The following PAK5 variants were observed in gnomAD, a reference collection of about 807,000 sequenced individuals.
The protein encoded by PAK5 is serine/threonine-protein kinase PAK 5.
A neutral mutation model predicts 65.9 loss-of-function variants in PAK5; 16 were observed. The observed-to-expected ratio is 0.24, with a 90% CI of 0.16 to 0.37. PAK5 has a LOEUF of 0.37. Ranked by LOEUF, PAK5 falls within the 10% of genes least tolerant of loss-of-function variation. The pLI is 1.00. For synonymous variants in PAK5, 371 were observed against 354.9 expected, an observed-to-expected ratio of 1.05 and a Z score of -0.51; for missense variants, 785 against 903.9, an observed-to-expected ratio of 0.87 and a Z score of 1.69.
At chr20:9,783,928 C>A (rs537403877) in intron 1 of PAK5, among the ~76,000 whole-genome samples, 20 of 152,172 alleles carry the variant, frequency 1.3e-4, no homozygotes, top group African/African-American at 4.6e-4. Context: ...TGTATTCATG[C>A]CATTCAATAC....
chr20:9,826,538 T>C (rs918569054), intron 1 of PAK5, among the ~76,000 whole-genome samples: 8 of 152,172 alleles, frequency 5.3e-5, no homozygotes, highest in African/African-American at 1.7e-4. Context: ...AGTATCCATA[T>C]ATTGCTTTAA....
intron 1 of PAK5, among the ~76,000 whole-genome samples, chr20:9,810,241 G>A (rs781531088): frequency 8.5e-5 from 13 of 152,166 alleles, no homozygotes; most frequent in Non-Finnish European, 1.6e-4. Context: ...ACCCCAGCAT[G>A]CGCTTTTAGG....
intron 1 of PAK5, among the ~76,000 whole-genome samples, chr20:9,752,720 G>A (rs916247732): frequency 1.6e-4 from 24 of 152,194 alleles, no homozygotes; most frequent in African/African-American, 4.3e-4. Context: ...GGGAATCAGC[G>A]TGAGGCAGAC....
At position 9,542,709 on chromosome 20, in the gene PAK5, C is replaced by A; in HGVS notation, c.1881G>T (p.Trp627Cys). 6.2e-7 allele frequency: 1 copy of A among 1,613,982 alleles called. No homozygotes were observed. Among genetic ancestry groups the A allele is most frequent in the Non-Finnish European group, 8.5e-7 (1 of 1,179,900 alleles). Residue 627 changes from tryptophan (W) to cysteine (C), a missense_variant, in exon 9 of 10, where the codon TGG becomes TGT. This residue lies in a region of PAK5 where 182 missense variants were observed against 273.0 expected (regional missense o/e 0.67). Coordinates refer to ENST00000353224, the MANE Select transcript of PAK5 (RefSeq NM_177990.4). ...RLPYGTEVDI[W>C]SLGIMVIEMI... is the part of the protein sequence containing the mutation. ...TTTCTATCACCATGATCCCGAGGGACCAGATGTCCACCTGTTAGGCACACC... is the reference window on the plus strand; with the variant it reads ...TTTCTATCACCATGATCCCGAGGGAACAGATGTCCACCTGTTAGGCACACC...
intron 1 of PAK5, among the ~76,000 whole-genome samples, chr20:9,719,528 T>C (rs1335723514): frequency 1.4e-5 from 2 of 146,714 alleles, no homozygotes; most frequent in Non-Finnish European, 1.5e-5. Context: ...ACATTACTGC[T>C]TTTTTTTCCC....
At chr20:9,762,795 T>C (rs2048714590) in intron 1 of PAK5, among the ~76,000 whole-genome samples, 2 of 152,120 alleles carry the variant, frequency 1.3e-5, no homozygotes, top group South Asian at 2.1e-4. Context: ...AATCAGGATG[T>C]TGAAGAGACA....
intron 1 of PAK5, among the ~76,000 whole-genome samples, chr20:9,745,094 T>C (rs2048491233): frequency 6.6e-6 from 1 of 152,108 alleles, no homozygotes; most frequent in African/African-American, 2.4e-5. Context: ...CAGTCAAAAG[T>C]AAACAGAACA....
chr20:9,715,183 T>A (rs1418420755), intron 1 of PAK5, among the ~76,000 whole-genome samples: 2 of 151,822 alleles, frequency 1.3e-5, no homozygotes, highest in Admixed American at 6.6e-5. Flanking sequence ...TACAAAGAAC[T>A]CAAACAAATT....
chr20:9,609,079 G>A (rs935122371), intron 3 of PAK5, among the ~76,000 whole-genome samples: 2 of 152,180 alleles, frequency 1.3e-5, no homozygotes, highest in Admixed American at 6.5e-5. Flanking sequence ...TGAGAGAACC[G>A]CTTCTCTTTG....
rs373394780 is a variant in PAK5, at chr20:9,838,189, G to A, written c.-162+573C>T. 3.1e-5 allele frequency among the ~76,000 whole-genome samples: 4 copies of A among 130,868 alleles called. No individual in the cohort carries two copies. The highest frequency in any genetic ancestry group is 1.5e-4 in the Admixed American group (2 of 13,400). 85.9% of individuals were successfully genotyped at this position (130,868 alleles called of 152,430 possible). A position where few individuals can be genotyped will look rare whatever the true frequency, so the allele number is the denominator to read the frequency against. ...CCATTACAACCCACCAGGCGCGCGC[G>A]CACACACACACGCGCGCACACACAC... On this transcript the variant is annotated intron_variant, in intron 1 of 9. Transcript: ENST00000353224. This position sits in a 1 kb window ranked among gnomAD's most constrained non-coding sequence, Gnocchi z 4.5.
At chr20:9,788,759 G>A (rs2049019386) in intron 1 of PAK5, among the ~76,000 whole-genome samples, 1 of 152,044 alleles carries the variant, frequency 6.6e-6, no homozygotes, top group Non-Finnish European at 1.5e-5. Flanking sequence ...TCTTGTCTTG[G>A]ATAACAAAGG....
chr20:9,759,234 A>G (rs972134884), intron 1 of PAK5, among the ~76,000 whole-genome samples: 4 of 152,154 alleles, frequency 2.6e-5, no homozygotes, highest in Non-Finnish European at 4.4e-5. Flanking sequence ...TAATTTTACT[A>G]TCTCTTTTCA....
intron 1 of PAK5, among the ~76,000 whole-genome samples, chr20:9,794,609 A>G (rs1308146923): frequency 6.6e-6 from 1 of 152,124 alleles, no homozygotes; most frequent in East Asian, 1.9e-4. Flanking sequence ...TTCTGGTTAC[A>G]ATAGCATCCA....
At chr20:9,704,405 T>G (rs1167964114) in intron 2 of PAK5, among the ~76,000 whole-genome samples, 2 of 152,150 alleles carry the variant, frequency 1.3e-5, no homozygotes, top group Non-Finnish European at 2.9e-5. Flanking sequence ...CACTTTGTGT[T>G]GCAGCTAGTA....
chr20:9,543,416 G>C (rs1372407554), intron 8 of PAK5, among the ~76,000 whole-genome samples: 1 of 151,960 alleles, frequency 6.6e-6, no homozygotes, highest in Non-Finnish European at 1.5e-5. Flanking sequence ...TTTCCTGTTA[G>C]GGCCTCATTA....
At chr20:9,769,051 T>C (rs2048804352) in intron 1 of PAK5, among the ~76,000 whole-genome samples, 1 of 152,262 alleles carries the variant, frequency 6.6e-6, no homozygotes, top group African/African-American at 2.4e-5. Context: ...TTAAACAATT[T>C]CAAAACAATA....
chr20:9,580,548 GA>G lies in PAK5; in HGVS notation c.586del (p.Ser196LeufsTer11). On this transcript the variant is annotated frameshift_variant, in exon 4 of 10. Coordinates refer to ENST00000353224, the MANE Select transcript of PAK5 (RefSeq NM_177990.4). LOFTEE classifies it high-confidence loss of function. ...KPLKSDFARF[S>X]ADYHSHLDSL... ...GTCCAAATGTGAGTGATAATCGGCA[GA>G]AAATCTGGCAAAATCGGATTTCAAA... The G allele has an allele frequency of 6.2e-7, 1 of 1,614,118 alleles. No homozygotes were observed. The highest frequency in any genetic ancestry group is 8.5e-7 in the Non-Finnish European group (1 of 1,180,016).
chr20:9,684,563 T>C (rs2047693037), intron 2 of PAK5, among the ~76,000 whole-genome samples: 1 of 152,216 alleles, frequency 6.6e-6, no homozygotes, highest in Non-Finnish European at 1.5e-5. Context: ...TAATGTAACA[T>C]GATGATCCTC....
rs2045681440 is a variant in PAK5 at position 9,566,385 on chromosome 20, C to G, written c.991-1G>C. 18 of 1,611,948 alleles carry G rather than the reference C, an allele frequency of 1.1e-5. No individual in the cohort carries two copies. Among genetic ancestry groups the G allele is most frequent in the Non-Finnish European group, 1.5e-5 (18 of 1,179,354 alleles). On this transcript the variant is annotated splice_acceptor_variant, in intron 4 of 9. Transcript: ENST00000353224. LOFTEE classifies it high-confidence loss of function. ...CCATCTGTGCTCGATCGTAATCCAC[C>G]TGGGAAGACAGACATGGATAGAGAA...
Sources: gnomAD v4.1 joint callset for allele counts (sites outside exome capture counted in the v4.1 genomes callset) on GRCh38, gnomAD v4.1.1 for gene constraint, gnomAD v4.1.1 regional missense constraint, Gnocchi (gnomAD v3.1) non-coding constraint, MANE v1.5 for transcripts, NCBI Gene and HGNC (gene_info 2026-07-23, HGNC 2026-07-21) for gene names.